The following CTNNA3 variants were observed in gnomAD, a reference collection of about 807,000 sequenced individuals.
CTNNA3 encodes catenin alpha 3.
In CTNNA3, 76 loss-of-function variants were observed where a neutral mutation model predicts 95.7. The observed-to-expected ratio is 0.79, with a 90% confidence interval of 0.66 to 0.96. The LOEUF is 0.96. Among genes scored for constraint, CTNNA3 ranks in the 40% least tolerant of loss-of-function variants. The pLI, the probability that CTNNA3 is intolerant of heterozygous loss-of-function variation, is 0.00. For missense variants in CTNNA3, 1,191 were observed against 1,089.8 expected (o/e 1.09, Z -1.31); for synonymous variants, 431 against 374.4 (o/e 1.15, Z -1.74).
chr10:67,291,786 G>A (rs1904620), intron 5 of CTNNA3, among the ~76,000 whole-genome samples: 38,050 of 152,026 alleles, frequency 0.25, 6,923 homozygotes, highest in African/African-American at 0.51. Context: ...AAAAATGAAA[G>A]ATAAAAGTTG....
chr10:65,983,152 C>T (rs531453143), intron 16 of CTNNA3, among the ~76,000 whole-genome samples: 184 of 151,592 alleles, frequency 1.2e-3, no homozygotes, highest in African/African-American at 3.9e-3. Context: ...ACTAAAAGTT[C>T]GTTTTAATTT....
At chr10:67,282,127 T>C (rs894411122) in intron 5 of CTNNA3, among the ~76,000 whole-genome samples, 4 of 152,160 alleles carry the variant, frequency 2.6e-5, no homozygotes, top group Admixed American at 6.5e-5. Context: ...AAGACTATCA[T>C]AATAAATATT....
chr10:67,750,196 G>T (rs1439733325), intron 1 of CTNNA3: 1 of 1,331,040 alleles, frequency 7.5e-7, no homozygotes, highest in Non-Finnish European at 1.1e-6. Context: ...AAGTCAGTGA[G>T]ACCAAGAACC....
At chr10:66,119,080 T>G (rs887870019) in intron 13 of CTNNA3, among the ~76,000 whole-genome samples, 11 of 152,132 alleles carry the variant, frequency 7.2e-5, no homozygotes, top group Non-Finnish European at 1.6e-4. Flanking sequence ...AAAACATTGA[T>G]TTTTATTAAA....
At chr10:67,709,781 A>C (rs1436811311) in intron 1 of CTNNA3, among the ~76,000 whole-genome samples, 1 of 151,776 alleles carries the variant, frequency 6.6e-6, no homozygotes, top group Admixed American at 6.6e-5. Context: ...CAGTGACCCC[A>C]CTCTGGTCAC....
rs1262015554 is a variant in CTNNA3, at chr10:66,148,642, G to A, written c.1885-45393C>T. On this transcript the variant is annotated intron_variant, in intron 13 of 17. Coordinates refer to ENST00000433211, the MANE Select transcript of CTNNA3 (RefSeq NM_013266.4). ...GAGAAAGTGCCATCTCTGAAGCAGG[G>A]AGAGAGCCCTCATTTGACACCAGAG... Among the ~76,000 whole-genome samples, 7 of 151,974 alleles carry A rather than the reference G, an allele frequency of 4.6e-5. No homozygotes were observed. The East Asian group carries it at 1.2e-3, about 25-fold the overall frequency.
chr10:67,694,588 A>T (rs1381089185), intron 1 of CTNNA3, among the ~76,000 whole-genome samples: 2 of 152,168 alleles, frequency 1.3e-5, no homozygotes, highest in Admixed American at 1.3e-4. Context: ...TTCAGCAATG[A>T]TTAATAAAAT....
chr10:66,971,795 C>T (rs971119756), intron 7 of CTNNA3, among the ~76,000 whole-genome samples: 2 of 152,050 alleles, frequency 1.3e-5, no homozygotes, highest in African/African-American at 2.4e-5. Context: ...TTACAAGAGA[C>T]CCTGTCATCT....
intron 15 of CTNNA3, among the ~76,000 whole-genome samples, chr10:66,040,313 T>C (rs570076452): frequency 2.5e-4 from 38 of 152,196 alleles, no homozygotes; most frequent in Non-Finnish European, 5.0e-4. Context: ...TGGAAAGCAG[T>C]GTGACAATTC....
intron 17 of CTNNA3, among the ~76,000 whole-genome samples, chr10:65,958,090 C>G (rs2077769208): frequency 6.8e-6 from 1 of 147,094 alleles, no homozygotes; most frequent in Non-Finnish European, 1.5e-5. Context: ...TTTCTTTTTA[C>G]TCTTTTTTCT....
intron 7 of CTNNA3, among the ~76,000 whole-genome samples, chr10:66,849,768 C>G (rs145690942): frequency 6.6e-6 from 1 of 152,108 alleles, no homozygotes; most frequent in African/African-American, 2.4e-5. Flanking sequence ...TTTCAGACTT[C>G]CGGCCTCCAA....
chr10:66,790,872 A>G (rs989358971), intron 7 of CTNNA3, among the ~76,000 whole-genome samples: 7 of 152,126 alleles, frequency 4.6e-5, no homozygotes, highest in African/African-American at 1.7e-4. Context: ...CATAAGCCCA[A>G]AATCTAGAAG....
intron 9 of CTNNA3, among the ~76,000 whole-genome samples, chr10:66,679,757 G>A (rs1846999250): frequency 6.6e-6 from 1 of 152,094 alleles, no homozygotes; most frequent in East Asian, 1.9e-4. Context: ...GATAAAGTTG[G>A]ACTGTGACTT....
At chr10:66,662,302 T>C (rs946565023) in intron 9 of CTNNA3, among the ~76,000 whole-genome samples, 26 of 152,260 alleles carry the variant, frequency 1.7e-4, no homozygotes, top group African/African-American at 5.8e-4. Context: ...ACAAAACATA[T>C]ACAATTTGCT....
chr10:67,287,721 C>G (rs974582513), intron 5 of CTNNA3, among the ~76,000 whole-genome samples: 1 of 152,128 alleles, frequency 6.6e-6, no homozygotes, highest in Non-Finnish European at 1.5e-5. Context: ...CCAGTCTAAA[C>G]TTGGATATTT....
intron 1 of CTNNA3, among the ~76,000 whole-genome samples, chr10:67,716,329 CT>C (rs556587372): frequency 4.0e-5 from 6 of 151,776 alleles, no homozygotes; most frequent in Non-Finnish European, 7.4e-5. Flanking sequence ...TAAGTTACAA[CT>C]TTTTTTTAAT....
intron 7 of CTNNA3, among the ~76,000 whole-genome samples, chr10:67,103,913 A>G (rs568372677): frequency 6.6e-6 from 1 of 151,796 alleles, no homozygotes; most frequent in Admixed American, 6.6e-5. Flanking sequence ...AACAACAACA[A>G]CAACAATATT....
rs574210070 is a variant in CTNNA3, at chr10:66,955,846, C to T, written c.1048-180322G>A. The stretch of plus-strand genomic sequence containing the variant: ...GATGAGGGATTTCAAATTCTTGGAG[C>T]CCATTGTGTCTCACCTTCATCACCA... On this transcript the variant is annotated intron_variant, in intron 7 of 17. Coordinates refer to ENST00000433211, the MANE Select transcript of CTNNA3 (RefSeq NM_013266.4). 3.7e-4 allele frequency among the ~76,000 whole-genome samples: 57 copies of T among 152,226 alleles called. No individual in the cohort carries two copies. In the South Asian group the frequency reaches 0.012, roughly 32 times the overall value.
intron 7 of CTNNA3, among the ~76,000 whole-genome samples, chr10:67,146,388 A>T (rs1589793512): frequency 6.6e-6 from 1 of 152,346 alleles, no homozygotes; most frequent in East Asian, 1.9e-4. Flanking sequence ...GGAGAGTAGC[A>T]AAGAGATTCA....
Sources: gnomAD v4.1 joint callset for allele counts (sites outside exome capture counted in the v4.1 genomes callset) on GRCh38, gnomAD v4.1.1 for gene constraint, MANE v1.5 for transcripts, NCBI Gene and HGNC (gene_info 2026-07-23, HGNC 2026-07-21) for gene names.